TNRC6B: variants seen among roughly 807,000 people sequenced by gnomAD.
TNRC6B encodes the protein trinucleotide repeat-containing gene 6B protein.
A neutral mutation model predicts 203.6 loss-of-function variants in TNRC6B; 52 were observed. That is an observed-to-expected ratio of 0.26 (90% CI 0.20 to 0.32). TNRC6B has a LOEUF of 0.32. Among genes scored for constraint, TNRC6B ranks in the 10% least tolerant of loss-of-function variants. The pLI, the probability that TNRC6B is intolerant of heterozygous loss-of-function variation, is 1.00. For missense variants in TNRC6B, 1,923 were observed against 2,286.2 expected, an observed-to-expected ratio of 0.84 and a Z score of 3.24; for synonymous variants, 838 against 845.7, an observed-to-expected ratio of 0.99 and a Z score of 0.16.
intron 3 of TNRC6B, among the ~76,000 whole-genome samples, chr22:40,133,988 A>C (rs1200310405): frequency 5.9e-5 from 9 of 151,460 alleles, no homozygotes; most frequent in African/African-American, 1.2e-4. Flanking sequence ...AAAAAAAAAA[A>C]AAAAAAAAAC....
chr22:40,228,687 T>C (rs1034313088), intron 1 of TNRC6B, among the ~76,000 whole-genome samples: 2 of 150,986 alleles, frequency 1.3e-5, no homozygotes, highest in African/African-American at 4.9e-5. Flanking sequence ...GCCTGGCTAA[T>C]TTTTTGTATT....
intron 7 of TNRC6B, among the ~76,000 whole-genome samples, chr22:40,275,373 A>G (rs1303667244): frequency 6.6e-6 from 1 of 152,192 alleles, no homozygotes; most frequent in Non-Finnish European, 1.5e-5. Context: ...ACCAAGATTT[A>G]ATTAAGTTAA....
intron 15 of TNRC6B, among the ~76,000 whole-genome samples, chr22:40,307,553 CCT>C (rs1601511058): frequency 6.6e-6 from 1 of 151,766 alleles, no homozygotes; most frequent in Non-Finnish European, 1.5e-5. Flanking sequence ...GATGACGGAC[CCT>C]GTTAGACTCC....
At chr22:40,234,440 G>T (rs150672024) in intron 1 of TNRC6B, among the ~76,000 whole-genome samples, 31 of 152,274 alleles carry the variant, frequency 2.0e-4, no homozygotes, top group African/African-American at 7.0e-4. Flanking sequence ...GTGCATACTC[G>T]TGTGCTGCTC....
chr22:40,048,091 A>G (rs1358802596), intron 1 of TNRC6B, among the ~76,000 whole-genome samples: 2 of 152,170 alleles, frequency 1.3e-5, no homozygotes, highest in African/African-American at 2.4e-5. Context: ...TCTCCGTTCT[A>G]CTATCATGTT....
chr22:40,115,408 C>T (rs907764417), intron 1 of TNRC6B, among the ~76,000 whole-genome samples: 1 of 152,154 alleles, frequency 6.6e-6, no homozygotes, highest in African/African-American at 2.4e-5. Context: ...CACGTAGCCT[C>T]GAGTTCTCTG....
intron 1 of TNRC6B, among the ~76,000 whole-genome samples, chr22:40,099,876 G>T (rs889183672): frequency 6.6e-6 from 1 of 151,758 alleles, no homozygotes; most frequent in Non-Finnish European, 1.5e-5. Context: ...TCAGCCTCCC[G>T]AGTAGCTGGG....
intron 1 of TNRC6B, among the ~76,000 whole-genome samples, chr22:40,113,498 G>A (rs957397376): frequency 2.6e-5 from 4 of 152,078 alleles, no homozygotes; most frequent in African/African-American, 9.7e-5. Context: ...GGGACTACAG[G>A]TGCATACTAC....
chr22:40,193,027 C>T (rs1423023120), intron 1 of TNRC6B, among the ~76,000 whole-genome samples: 2 of 152,042 alleles, frequency 1.3e-5, no homozygotes, highest in African/African-American at 4.8e-5. Context: ...AAGAGAAACC[C>T]GAAAAGGAAG....
In TNRC6B at chr22:40,281,174, C is replaced by G; in HGVS notation, c.3467C>G (p.Ser1156Cys). The G allele has an allele frequency of 6.4e-7, 1 of 1,551,360 alleles. No homozygotes were observed. The highest frequency in any genetic ancestry group is 8.7e-7 in the Non-Finnish European group (1 of 1,146,836). Residue 1156 changes from serine (S) to cysteine (C), a missense_variant, in exon 11 of 23, where the codon TCT becomes TGT. Ser to Cys is a moderately radical substitution (Grantham distance 112). This residue lies in a region of TNRC6B where 599 missense variants were observed against 656.5 expected (regional missense o/e 0.91). Coordinates refer to ENST00000454349, the MANE Select transcript of TNRC6B (RefSeq NM_001162501.2). The stretch of plus-strand genomic sequence containing the variant: ...TGCCTTGGGGATGAGGCTCCCTGCT[C>G]TCCCTTCTCCCCTTCTCCCAGCTAC... Reference protein sequence around the residue: ...DGCLGDEAPCSPFSPSPSYKL... With the variant: ...DGCLGDEAPCCPFSPSPSYKL...
chr22:40,238,940 C>T (rs552860726), intron 1 of TNRC6B, among the ~76,000 whole-genome samples: 23 of 151,598 alleles, frequency 1.5e-4, no homozygotes, highest in African/African-American at 5.1e-4. Context: ...CAGTGGCTCA[C>T]GCCTGTAATC....
intron 3 of TNRC6B, among the ~76,000 whole-genome samples, chr22:40,154,059 C>T (rs1258421694): frequency 6.6e-6 from 1 of 151,664 alleles, no homozygotes; most frequent in East Asian, 1.9e-4. Flanking sequence ...TCATAGAGCG[C>T]TACAGTCTTG....
intron 3 of TNRC6B, among the ~76,000 whole-genome samples, chr22:40,149,895 C>T (rs974768519): frequency 3.3e-5 from 5 of 152,016 alleles, no homozygotes; most frequent in Non-Finnish European, 2.9e-5. Context: ...AAATCTTAGG[C>T]TTAAGCCATC....
At chr22:40,259,900 G>C (rs1260416524) in intron 3 of TNRC6B, among the ~76,000 whole-genome samples, 1 of 152,178 alleles carries the variant, frequency 6.6e-6, no homozygotes, top group African/African-American at 2.4e-5. Flanking sequence ...GAACTGTCAG[G>C]CTTGATGATT....
intron 1 of TNRC6B, among the ~76,000 whole-genome samples, chr22:40,227,748 A>G (rs1264516373): frequency 6.6e-6 from 1 of 152,162 alleles, no homozygotes; most frequent in East Asian, 1.9e-4. Flanking sequence ...TATTCTTTCA[A>G]TAGAAAAGAA....
rs1475780544 is a variant in TNRC6B at position 40,116,223 on chromosome 22, C to T, written c.-120-832C>T. On this transcript the variant is annotated intron_variant, in intron 1 of 23. Coordinates refer to the TNRC6B transcript ENST00000301923. ...TAAGGGGCCAACTTCCAAATAGTGC[C>T]AGCTTTCTGACAGCGGTGTAGATGC... 2.0e-5 allele frequency among the ~76,000 whole-genome samples: 3 copies of T among 152,158 alleles called. No homozygotes were observed. In the South Asian group the frequency reaches 6.2e-4, roughly 32 times the overall value.
intron 1 of TNRC6B, among the ~76,000 whole-genome samples, chr22:40,114,374 G>T (rs1161923803): frequency 6.6e-6 from 1 of 152,090 alleles, no homozygotes; most frequent in African/African-American, 2.4e-5. Context: ...AAGCTGGAGT[G>T]CAGTGGTGTA....
chr22:40,253,183 G>A (rs929412379), intron 3 of TNRC6B, among the ~76,000 whole-genome samples: 2 of 149,532 alleles, frequency 1.3e-5, no homozygotes, highest in South Asian at 2.1e-4. Flanking sequence ...CCGGGTTCAC[G>A]CCATTCTCCT....
In TNRC6B at chr22:40,277,099, A is replaced by G. The variant is rs866138376; in HGVS notation, c.3164A>G (p.Asn1055Ser). 13 of 1,607,136 alleles carry G rather than the reference A, an allele frequency of 8.1e-6. No homozygotes were observed. The African/African-American group carries it at 9.4e-5, about 12-fold the overall frequency. The change falls in exon 8 of 23, where the codon AAT becomes AGT. Residue 1055 changes from asparagine to serine, a missense_variant. Asn to Ser is a conservative substitution (Grantham distance 46). This residue lies in a region of TNRC6B where 599 missense variants were observed against 656.5 expected (regional missense o/e 0.91). Coordinates refer to ENST00000454349, the MANE Select transcript of TNRC6B (RefSeq NM_001162501.2). ...QMKCSLKGGN[N>S]DSWMNPLAKQ... Reference sequence around the variant, plus strand: ...TAGTGCTCACTCAAAGGAGGAAACAATGATTCATGGATGAATCCTCTTGCC... The same window carrying G: ...TAGTGCTCACTCAAAGGAGGAAACAGTGATTCATGGATGAATCCTCTTGCC...
Sources: allele counts gnomAD v4.1 joint callset (sites outside exome capture counted in the v4.1 genomes callset), GRCh38; gene constraint gnomAD v4.1.1; regional missense constraint gnomAD v4.1.1; transcripts MANE v1.5; gene names NCBI Gene and HGNC (gene_info 2026-07-23, HGNC 2026-07-21).